Variants in GABBR2 observed in about 807,000 individuals in gnomAD.
GABBR2 encodes the protein gamma-aminobutyric acid type B receptor subunit 2, also known as G-protein coupled receptor 51.
Under a neutral mutation model 105.6 loss-of-function variants are expected in GABBR2, and 23 were observed. The observed-to-expected ratio is 0.22, with a 90% CI of 0.16 to 0.31. GABBR2 has a LOEUF of 0.31. Among genes scored for constraint, GABBR2 ranks in the 10% least tolerant of loss-of-function variants. The pLI, the probability that GABBR2 is intolerant of heterozygous loss-of-function variation, is 1.00. For synonymous variants in GABBR2, 478 were observed against 499.7 expected (o/e 0.96, Z 0.58); for missense variants, 734 against 1,245.5 (o/e 0.59, Z 6.18).
chr9:98,548,842 GC>G (rs1229855962), intron 2 of GABBR2, among the ~76,000 whole-genome samples: 2 of 121,552 alleles, frequency 1.6e-5, no homozygotes, highest in African/African-American at 5.3e-5. Flanking sequence ...AATTAATGAA[GC>G]TTCTAAACAT....
rs566669712 is a variant in GABBR2, at chr9:98,327,443, T to C, written c.1894-16238A>G. ...AGAATAGGTAGGTATAAATATGCTA[T>C]ATATTTTAATTTTGTGCTAAAATTT... On this transcript the variant is annotated intron_variant, in intron 13 of 18. Coordinates refer to ENST00000259455, the MANE Select transcript of GABBR2 (RefSeq NM_005458.8). 2.0e-5 allele frequency among the ~76,000 whole-genome samples: 3 copies of C among 152,310 alleles called. No homozygotes were observed. The South Asian group carries it at 6.2e-4, about 32-fold the overall frequency.
intron 1 of GABBR2, among the ~76,000 whole-genome samples, chr9:98,666,965 A>T (rs1830343874): frequency 6.6e-6 from 1 of 152,160 alleles, no homozygotes; most frequent in South Asian, 2.1e-4. Flanking sequence ...TTTGGTGCCC[A>T]GGTGATCCAC....
At chr9:98,292,712 C>T (rs1339330428) in intron 18 of GABBR2, among the ~76,000 whole-genome samples, 1 of 152,210 alleles carries the variant, frequency 6.6e-6, no homozygotes, top group East Asian at 1.9e-4. Context: ...CCTGTCCAAG[C>T]ACCCAGGGCA....
chr9:98,565,499 C>A (rs1828739228), intron 2 of GABBR2, among the ~76,000 whole-genome samples: 1 of 152,146 alleles, frequency 6.6e-6, no homozygotes, highest in African/African-American at 2.4e-5. Context: ...CTGGCCCAAC[C>A]CACTCCTCTT....
intron 1 of GABBR2, among the ~76,000 whole-genome samples, chr9:98,676,909 A>G (rs1830484904): frequency 6.6e-6 from 1 of 152,224 alleles, no homozygotes; most frequent in African/African-American, 2.4e-5. Flanking sequence ...AGATCTTTAC[A>G]CTATTATAGG....
At chr9:98,553,199 C>T (rs1452034386) in intron 2 of GABBR2, among the ~76,000 whole-genome samples, 2 of 144,016 alleles carry the variant, frequency 1.4e-5, no homozygotes, top group East Asian at 3.9e-4. Context: ...TTATTGGGAA[C>T]TTGTGACAAT....
At chr9:98,668,710 C>T (rs147002559) in intron 1 of GABBR2, among the ~76,000 whole-genome samples, 61 of 152,268 alleles carry the variant, frequency 4.0e-4, no homozygotes, top group African/African-American at 1.3e-3. Context: ...TAACAACCAC[C>T]ATTCTATTTT....
rs188399864 is a variant in GABBR2 at position 98,554,220 on chromosome 9, G to C, written c.460-12177C>G. Among the ~76,000 whole-genome samples the C allele has an allele frequency of 2.6e-5, 4 of 152,232 alleles. No individual in the cohort carries two copies. The East Asian group carries it at 7.7e-4, about 29-fold the overall frequency. On this transcript the variant is annotated intron_variant, in intron 2 of 18. Coordinates refer to ENST00000259455, the MANE Select transcript of GABBR2 (RefSeq NM_005458.8). ...TTTAAAAGAAGAGAGAATTAGCCGGGCATGGTGGCGGGTGCCTGTAGTCCC... is the reference window on the plus strand; with the variant it reads ...TTTAAAAGAAGAGAGAATTAGCCGGCCATGGTGGCGGGTGCCTGTAGTCCC...
rs181401640 is a variant in GABBR2, at chr9:98,470,515, G to A, written c.999+2631C>T. Among the ~76,000 whole-genome samples the A allele has an allele frequency of 2.3e-3, 355 of 152,190 alleles. 2 individuals carry two copies. Among genetic ancestry groups the A allele is most frequent in the African/African-American group, 7.9e-3 (330 of 41,510 alleles). On this transcript the variant is annotated intron_variant, in intron 6 of 18. Coordinates refer to ENST00000259455, the MANE Select transcript of GABBR2 (RefSeq NM_005458.8). ...CCCCATGATTCAATTATCTCCCACC[G>A]GGTCCCTCCCACAACACATGGGAAT...
chr9:98,301,766 G>A (rs1314444407), intron 16 of GABBR2, among the ~76,000 whole-genome samples: 1 of 152,198 alleles, frequency 6.6e-6, no homozygotes, highest in Non-Finnish European at 1.5e-5. Flanking sequence ...TGACATGGTC[G>A]TACTCATCAG....
At chr9:98,568,720 T>C (rs976060986) in intron 2 of GABBR2, among the ~76,000 whole-genome samples, 3 of 152,230 alleles carry the variant, frequency 2.0e-5, no homozygotes, top group African/African-American at 7.2e-5. Context: ...GCTGTTGCCA[T>C]GGCCACCATG....
chr9:98,328,477 T>C (rs992892835), intron 13 of GABBR2, among the ~76,000 whole-genome samples: 4 of 152,246 alleles, frequency 2.6e-5, no homozygotes, highest in Admixed American at 1.3e-4. Flanking sequence ...CATATGCCAA[T>C]GAGCAAGGCA....
At chr9:98,684,300 TAGTC>T (rs1467152172) in intron 1 of GABBR2, among the ~76,000 whole-genome samples, 1 of 151,842 alleles carries the variant, frequency 6.6e-6, no homozygotes, top group Non-Finnish European at 1.5e-5. Flanking sequence ...TTGTGTTAGA[TAGTC>T]AGGTTATAAG....
chr9:98,611,959 G>A (rs2131814366), intron 1 of GABBR2, among the ~76,000 whole-genome samples: 1 of 152,376 alleles, frequency 6.6e-6, no homozygotes, highest in Non-Finnish European at 1.5e-5. Context: ...CAGAATCAAG[G>A]AGGTGGAGAA....
chr9:98,501,549 C>CT (rs1272289324), intron 3 of GABBR2, among the ~76,000 whole-genome samples: 1 of 152,188 alleles, frequency 6.6e-6, no homozygotes, highest in Non-Finnish European at 1.5e-5. Context: ...ACACCTTGAG[C>CT]ACTGGGCTCA....
intron 13 of GABBR2, among the ~76,000 whole-genome samples, chr9:98,318,703 C>A (rs768546714): frequency 6.6e-6 from 1 of 152,200 alleles, no homozygotes; most frequent in South Asian, 2.1e-4. Context: ...CCGGCCAGTG[C>A]TCCTTTGAGG....
intron 4 of GABBR2, among the ~76,000 whole-genome samples, chr9:98,493,752 T>C (rs757982563): frequency 2.0e-5 from 3 of 152,254 alleles, no homozygotes; most frequent in African/African-American, 4.8e-5. Context: ...CTGAGTATTA[T>C]GTCCTTGTAG....
At chr9:98,358,703 T>C (rs564526091) in intron 13 of GABBR2, among the ~76,000 whole-genome samples, 51 of 152,202 alleles carry the variant, frequency 3.4e-4, no homozygotes, top group African/African-American at 1.2e-3. Flanking sequence ...GGCTGTGGGG[T>C]GCTGAGCCAT....
intron 1 of GABBR2, among the ~76,000 whole-genome samples, chr9:98,694,337 T>G (rs1830722400): frequency 1.3e-5 from 2 of 152,360 alleles, no homozygotes; most frequent in Non-Finnish European, 2.9e-5. Flanking sequence ...CTGAGACCCC[T>G]GATCAATAGC....
Sources: allele counts gnomAD v4.1 joint callset (sites outside exome capture counted in the v4.1 genomes callset), GRCh38; gene constraint gnomAD v4.1.1; transcripts MANE v1.5; gene names NCBI Gene and HGNC (gene_info 2026-07-23, HGNC 2026-07-21).